The following SORCS2 variants were observed in gnomAD, a reference collection of about 807,000 sequenced individuals.
SORCS2 encodes sortilin related VPS10 domain containing receptor 2, also known as VPS10 domain-containing receptor SorCS2.
A neutral mutation model predicts 141.6 loss-of-function variants in SORCS2; 100 were observed. That is an observed-to-expected ratio of 0.71 (90% CI 0.60 to 0.83). SORCS2 has a LOEUF of 0.83. SORCS2 is among the 40% of genes least tolerant of loss of function. SORCS2 has a pLI of 0.00. For synonymous variants in SORCS2, 789 were observed against 676.9 expected (o/e 1.17, Z -2.57); for missense variants, 1,646 against 1,560.2 (o/e 1.05, Z -0.93).
At chr4:7,387,604 C>T (rs1170902838) in intron 1 of SORCS2, among the ~76,000 whole-genome samples, 2 of 143,190 alleles carry the variant, frequency 1.4e-5, no homozygotes, top group Admixed American at 6.7e-5. Flanking sequence ...CAGAGAAACG[C>T]ACATGCACAC....
chr4:7,376,563 C>T (rs1022161660), intron 1 of SORCS2, among the ~76,000 whole-genome samples: 1 of 152,166 alleles, frequency 6.6e-6, no homozygotes, highest in Non-Finnish European at 1.5e-5. Context: ...GGTGACAAAG[C>T]AAGACTCTGT....
In SORCS2 at chr4:7,543,775, T is replaced by C. The variant is rs1415451625; in HGVS notation, c.648+12146T>C. ...ACCCATCCACCCACCCATCCGTCCA[T>C]CCATCCACTCATCCATCCATCCATC... is the stretch of plus-strand genomic sequence containing the variant. On this transcript the variant is annotated intron_variant, in intron 3 of 26. Coordinates refer to ENST00000507866, the MANE Select transcript of SORCS2 (RefSeq NM_020777.3). Among the ~76,000 whole-genome samples the C allele has an allele frequency of 6.5e-4, 38 of 58,292 alleles. 2 individuals are homozygous for C. Among genetic ancestry groups the C allele is most frequent in the African/African-American group, 1.9e-3 (28 of 14,690 alleles). The allele number at this position is 58,292 out of a possible 152,430, so 38.2% of individuals were successfully genotyped here.
intron 1 of SORCS2, among the ~76,000 whole-genome samples, chr4:7,385,853 C>T (rs1285820877): frequency 6.6e-6 from 1 of 152,212 alleles, no homozygotes; most frequent in Non-Finnish European, 1.5e-5. Flanking sequence ...GTGGCCCTTG[C>T]TGGGGGAGAA....
intron 11 of SORCS2, among the ~76,000 whole-genome samples, chr4:7,696,812 GGCCAT>G (rs1487918543): frequency 6.6e-6 from 1 of 152,170 alleles, no homozygotes; most frequent in African/African-American, 2.4e-5. Flanking sequence ...ACACAAACTC[GGCCAT>G]GTCCTGCCCT....
intron 2 of SORCS2, among the ~76,000 whole-genome samples, chr4:7,529,983 C>T (rs994631719): frequency 2.6e-5 from 4 of 152,184 alleles, no homozygotes; most frequent in African/African-American, 9.6e-5. Context: ...GCTCTTTGTC[C>T]TGGCCTAGGA....
chr4:7,574,885 C>T (rs7440772), intron 3 of SORCS2, among the ~76,000 whole-genome samples: 22,992 of 152,250 alleles, frequency 0.15, 2,030 homozygotes, highest in African/African-American at 0.24. Flanking sequence ...AGCCCAGCTC[C>T]TCTTTACACC....
At chr4:7,633,753 G>T (rs1720051325) in intron 3 of SORCS2, among the ~76,000 whole-genome samples, 1 of 152,182 alleles carries the variant, frequency 6.6e-6, no homozygotes, top group African/African-American at 2.4e-5. Flanking sequence ...GACTGAGATG[G>T]CATTGTTCAT....
rs143521131 is a variant in SORCS2 at position 7,193,147 on chromosome 4, C to G, written c.480+21C>G. On this transcript the variant is annotated intron_variant, in intron 1 of 26. Coordinates refer to ENST00000507866, the MANE Select transcript of SORCS2 (RefSeq NM_020777.3). This position sits in a 1 kb window ranked among gnomAD's most constrained non-coding sequence, Gnocchi z 4.8. ...GCAGCGTAAGTGACCTCCACGCGCT[C>G]GCCGCGGCCCCTACCCGGGACACCG... The G allele has an allele frequency of 4.6e-3, 6,843 of 1,497,688 alleles. 205 individuals are homozygous for G. In the African/African-American group the frequency reaches 0.075, roughly 16 times the overall value. 92.8% of individuals were successfully genotyped at this position (1,497,688 alleles called of 1,614,324 possible). A position where few individuals can be genotyped will look rare whatever the true frequency, so the allele number is the denominator to read the frequency against.
intron 1 of SORCS2, among the ~76,000 whole-genome samples, chr4:7,304,467 C>T (rs575931441): frequency 2.9e-4 from 44 of 152,294 alleles, no homozygotes; most frequent in African/African-American, 5.3e-4. Context: ...GCGGGTGGGT[C>T]GGCGGCCCTC....
intron 3 of SORCS2, among the ~76,000 whole-genome samples, chr4:7,611,463 C>T (rs1195444710): frequency 6.6e-6 from 1 of 152,172 alleles, no homozygotes; most frequent in African/African-American, 2.4e-5. Flanking sequence ...AGCACGGTGC[C>T]CAGCCCAGGA....
At position 7,715,285 on chromosome 4, in the gene SORCS2, G is replaced by A. The variant is rs2285781; in HGVS notation, c.2226G>A (p.Leu742=). The A allele has an allele frequency of 0.55, 881,227 of 1,613,102 alleles. 250,718 individuals are homozygous for A. Among genetic ancestry groups the A allele is most frequent in the Non-Finnish European group, 0.6 (704,634 of 1,179,738 alleles). ...NPLSPPDDCA[L]GQTYTSSLGY... is the part of the protein sequence containing the mutation. ...TGTCCCCGCCTGACGACTGTGCCCT[G>A]GGCCAGACCTACACCAGCAGCCTTG... The change falls in exon 17 of 27, where the codon CTG becomes CTA. Residue 742 remains leucine (L), a synonymous_variant. Transcript: ENST00000507866.
In SORCS2 at chr4:7,201,814, T is replaced by TGA. The variant is rs572647976; in HGVS notation, c.480+8691_480+8692dup. On this transcript the variant is annotated intron_variant, in intron 1 of 26. Transcript: ENST00000507866. This position sits in a 1 kb window ranked among gnomAD's most constrained non-coding sequence, Gnocchi z 4.4. ...GTGGATTGCAGGGATGCCGATGACC[T>TGA]GAGAAGCCTGGCTGTGCTGCAGCTG... is the stretch of plus-strand genomic sequence containing the variant. Among the ~76,000 whole-genome samples, 356 of 152,234 alleles carry TGA rather than the reference T, an allele frequency of 2.3e-3. 2 individuals are homozygous for TGA. Among genetic ancestry groups the TGA allele is most frequent in the African/African-American group, 8.2e-3 (339 of 41,536 alleles).
At chr4:7,370,288 T>C (rs956968141) in intron 1 of SORCS2, among the ~76,000 whole-genome samples, 5 of 152,294 alleles carry the variant, frequency 3.3e-5, no homozygotes, top group Non-Finnish European at 5.9e-5. Context: ...CTCAGGACTT[T>C]CCTTCTGTTT....
intron 1 of SORCS2, among the ~76,000 whole-genome samples, chr4:7,232,121 A>G (rs1219261492): frequency 1.3e-5 from 2 of 152,144 alleles, no homozygotes; most frequent in Non-Finnish European, 2.9e-5. Context: ...TGTCTTGCAT[A>G]GCTTGGGGCA....
rs1553881845 is a variant in SORCS2 at position 7,543,810 on chromosome 4, A to ATCCATCCG, written c.648+12188_648+12189insGTCCATCC. The stretch of plus-strand genomic sequence containing the variant: ...CATCCATCCATCCATCCATCCATCC[A>ATCCATCCG]TCCATCCATCTACCCATCTGTCCAT... On this transcript the variant is annotated intron_variant, in intron 3 of 26. Transcript: ENST00000507866. Among the ~76,000 whole-genome samples, 172 of 19,824 alleles carry ATCCATCCG rather than the reference A, an allele frequency of 8.7e-3. 10 individuals carry two copies. The highest frequency in any genetic ancestry group is 0.045 in the Middle Eastern group (1 of 22). The allele number at this position is 19,824 out of a possible 152,430, so 13.0% of individuals were successfully genotyped here. A position where few individuals can be genotyped will look rare whatever the true frequency, so the allele number is the denominator to read the frequency against.
intron 2 of SORCS2, among the ~76,000 whole-genome samples, chr4:7,454,058 C>T (rs1256093325): frequency 3.9e-5 from 4 of 101,860 alleles, no homozygotes; most frequent in African/African-American, 4.1e-5. Flanking sequence ...GTGTTGGGGT[C>T]AGGAGCTGTG....
chr4:7,204,279 G>A (rs887340544), intron 1 of SORCS2, among the ~76,000 whole-genome samples: 1 of 151,960 alleles, frequency 6.6e-6, no homozygotes, highest in Non-Finnish European at 1.5e-5. Context: ...GCAGTGATGT[G>A]GTCACAGCTC....
intron 2 of SORCS2, among the ~76,000 whole-genome samples, chr4:7,439,264 C>T (rs1166928024): frequency 6.6e-6 from 1 of 152,138 alleles, no homozygotes; most frequent in Non-Finnish European, 1.5e-5. Flanking sequence ...CGAGTTCATA[C>T]TGATACTTCC....
At chr4:7,552,452 T>G in intron 3 of SORCS2, among the ~76,000 whole-genome samples, 1 of 152,140 alleles carries the variant, frequency 6.6e-6, no homozygotes, top group East Asian at 1.9e-4. Context: ...CTCTGATTTC[T>G]CTGACAAAAA....
Sources: allele counts gnomAD v4.1 joint callset (sites outside exome capture counted in the v4.1 genomes callset), GRCh38; gene constraint gnomAD v4.1.1; non-coding constraint Gnocchi (gnomAD v3.1); transcripts MANE v1.5; gene names NCBI Gene and HGNC (gene_info 2026-07-23, HGNC 2026-07-21).